SERPINB12: variants seen among roughly 807,000 people sequenced by gnomAD.
SERPINB12 encodes serpin family B member 12.
SERPINB12 carries 57 observed loss-of-function variants against 41.1 expected under a neutral mutation model. The observed-to-expected ratio is 1.39, with a 90% confidence interval of 1.12 to 1.73. The LOEUF (loss-of-function observed/expected upper bound fraction) is 1.73. Among genes scored for constraint, SERPINB12 ranks in the 40% most tolerant of loss-of-function variants. SERPINB12 has a pLI of 0.00. For synonymous variants in SERPINB12, 180 were observed against 181.3 expected, an observed-to-expected ratio of 0.99 and a Z score of 0.06; for missense variants, 536 against 501.9, an observed-to-expected ratio of 1.07 and a Z score of -0.65.
At chr18:63,542,720 G>A (rs1375968501) in intron 1 of SERPINB12, among the ~76,000 whole-genome samples, 1 of 152,100 alleles carries the variant, frequency 6.6e-6, no homozygotes, top group African/African-American at 2.4e-5. Context: ...GGGGTTTGGT[G>A]TACAGATTAT....
intron 1 of SERPINB12, among the ~76,000 whole-genome samples, chr18:63,549,446 A>T (rs1910468180): frequency 6.6e-6 from 1 of 152,146 alleles, no homozygotes. Context: ...CTTCTGACTA[A>T]GAACTGCTTA....
At chr18:63,525,088 G>A in the SERPINB12 span, among the ~76,000 whole-genome samples, 60,205 of 151,930 alleles carry the variant, frequency 0.4, 14,519 homozygotes, top group Non-Finnish European at 0.55. Context: ...TTTAACCTTC[G>A]TTACCAAAAA....
rs1410739148 is a variant in SERPINB12, at chr18:63,567,165, C to T, written c.*154C>T. ...GTGCTTATCTTGATCTTTCTGTCAC[C>T]CTGTAGCTTATTTTCATCTGAGTCT... On this transcript the variant is annotated 3_prime_UTR_variant, in exon 8 of 8. Coordinates refer to ENST00000382768, the MANE Select transcript of SERPINB12 (RefSeq NM_001307928.2). Among the ~76,000 whole-genome samples the T allele has an allele frequency of 1.3e-5, 2 of 152,146 alleles. No individual in the cohort carries two copies. The highest frequency in any genetic ancestry group is 2.9e-5 in the Non-Finnish European group (2 of 68,022).
chr18:63,565,819 T>C (rs1911082108), intron 7 of SERPINB12, among the ~76,000 whole-genome samples: 2 of 152,188 alleles, frequency 1.3e-5, no homozygotes, highest in South Asian at 4.1e-4. Flanking sequence ...GGGATTGGAG[T>C]TTCTTCTTTA....
chr18:63,530,878 C>T, the SERPINB12 span, among the ~76,000 whole-genome samples: 1 of 152,304 alleles, frequency 6.6e-6, no homozygotes, highest in African/African-American at 2.4e-5. Context: ...CGACTTTGAA[C>T]CATTCAGAAA....
In SERPINB12 at chr18:63,559,607, G is replaced by A. The variant is rs568156413; in HGVS notation, c.333G>A (p.Leu111=). The A allele has an allele frequency of 9.9e-6, 16 of 1,614,128 alleles. No individual in the cohort carries two copies. In the South Asian group the frequency reaches 1.5e-4, roughly 16 times the overall value. The change falls in exon 4 of 8, where the codon CTG becomes CTA. Residue 111 remains leucine (L), a synonymous_variant. Transcript: ENST00000382768. Reference sequence around the variant, plus strand: ...GGTCCTTAAACAATGAGAGCGGACTGGTCAGCTGCTACTTTGGGCAGCTTC... The same window carrying A: ...GGTCCTTAAACAATGAGAGCGGACTAGTCAGCTGCTACTTTGGGCAGCTTC... ...QAGSLNNESG[L]VSCYFGQLLS...
At chr18:63,547,301 T>G (rs530228875) in intron 1 of SERPINB12, among the ~76,000 whole-genome samples, 1 of 152,306 alleles carries the variant, frequency 6.6e-6, no homozygotes, top group Non-Finnish European at 1.5e-5. Context: ...GAATTATTTC[T>G]GAAACATAAG....
At chr18:63,547,500 T>C (rs1328193195) in intron 1 of SERPINB12, among the ~76,000 whole-genome samples, 1 of 152,192 alleles carries the variant, frequency 6.6e-6, no homozygotes, top group Admixed American at 6.5e-5. Flanking sequence ...CATCTATTTG[T>C]GTAAAGTTTG....
At chr18:63,558,527 C>T (rs530630022) in intron 3 of SERPINB12, 41 bp downstream of exon 3, 68 of 1,571,618 alleles carry the variant, frequency 4.3e-5, no homozygotes, top group Non-Finnish European at 5.8e-5. Context: ...TTCTTTTTTA[C>T]AAACTGCTTA....
intron 7 of SERPINB12, 32 bp downstream of exon 7, chr18:63,565,644 A>C: frequency 6.3e-7 from 1 of 1,577,334 alleles, no homozygotes; most frequent in Non-Finnish European, 8.6e-7. Flanking sequence ...TCTACAAAAT[A>C]TTTAATGATA....
intron 5 of SERPINB12, among the ~76,000 whole-genome samples, chr18:63,561,791 A>G (rs1171422421): frequency 6.6e-6 from 1 of 152,198 alleles, no homozygotes; most frequent in Non-Finnish European, 1.5e-5. Context: ...CAGGAACAGA[A>G]AGGCAAACAT....
At position 63,564,098 on chromosome 18, in the gene SERPINB12, A is replaced by G. The variant is rs766166408; in HGVS notation, c.683A>G (p.Asp228Gly). ...TACTTTGACCATGAAAACACGGTGG[A>G]TGCACCTTTCTGTCTAAATGCGGTA... is the stretch of plus-strand genomic sequence containing the variant. ...ETYFDHENTV[D>G]APFCLNANEN... is the part of the protein sequence containing the mutation. Residue 228 changes from aspartate to glycine, a missense_variant, in exon 6 of 8, where the codon GAT (aspartate) becomes GGT (glycine). By Grantham distance (94) the Asp-to-Gly change is moderately conservative. Coordinates refer to ENST00000382768, the MANE Select transcript of SERPINB12 (RefSeq NM_001307928.2). 3 of 1,613,644 alleles carry G rather than the reference A, an allele frequency of 1.9e-6. No homozygotes were observed. The highest frequency in any genetic ancestry group is 1.7e-6 in the Non-Finnish European group (2 of 1,179,908).
chr18:63,562,132 C>T (rs189859546), intron 5 of SERPINB12, among the ~76,000 whole-genome samples: 14 of 152,034 alleles, frequency 9.2e-5, no homozygotes, highest in East Asian at 5.8e-4. Flanking sequence ...TGGCTCTGGG[C>T]GGGAAAGGAG....
chr18:63,530,449 C>T, the SERPINB12 span, among the ~76,000 whole-genome samples: 2 of 152,152 alleles, frequency 1.3e-5, no homozygotes, highest in Non-Finnish European at 2.9e-5. Flanking sequence ...ACTTCCATAT[C>T]TCAGCTTTTG....
At chr18:63,520,667 C>T in the SERPINB12 span, among the ~76,000 whole-genome samples, 1,891 of 152,184 alleles carry the variant, frequency 0.012, 52 homozygotes, top group African/African-American at 0.042. Context: ...GTAGAAAAAC[C>T]AGACCACAGA....
rs751900204 is a variant in SERPINB12 at position 63,566,935 on chromosome 18, A to G, written c.1202A>G (p.Asn401Ser). 2 of 1,613,876 alleles carry G rather than the reference A, an allele frequency of 1.2e-6. No individual in the cohort carries two copies. The highest frequency in any genetic ancestry group is 1.1e-5 in the South Asian group (1 of 91,010). Reference protein sequence around the residue: ...SLRSWVEFNANHPFLFFIRHN... With the variant: ...SLRSWVEFNASHPFLFFIRHN... ...CGATCTTGGGTGGAGTTTAATGCCA[A>G]CCACCCTTTTCTCTTTTTCATTAGA... The change falls in exon 8 of 8, where the codon AAC (asparagine) becomes AGC (serine). Residue 401 changes from asparagine to serine, a missense_variant. Physicochemically the swap from Asn to Ser is conservative, Grantham distance 46. Transcript: ENST00000382768.
chr18:63,550,781 A>G (rs1359320897), intron 1 of SERPINB12, among the ~76,000 whole-genome samples: 1 of 152,170 alleles, frequency 6.6e-6, no homozygotes, highest in South Asian at 2.1e-4. Flanking sequence ...TATTTACACC[A>G]TAGAAATCAG....
rs184882895 is a variant in SERPINB12 at position 63,566,623 on chromosome 18, C to T, written c.890C>T (p.Thr297Ile). Residue 297 changes from threonine to isoleucine, a missense_variant, in exon 8 of 8, where the codon ACC becomes ATC. Coordinates refer to ENST00000382768, the MANE Select transcript of SERPINB12 (RefSeq NM_001307928.2). ...KGLEELERKI[T>I]YEKMVAWSSS... The stretch of plus-strand genomic sequence containing the variant: ...CTCTTGTAGCTTGAAAGGAAAATCA[C>T]CTATGAAAAAATGGTGGCCTGGAGC... 18 of 1,607,294 alleles carry T rather than the reference C, an allele frequency of 1.1e-5. No individual in the cohort carries two copies. The East Asian group carries it at 2.5e-4, about 22-fold the overall frequency.
At chr18:63,555,500 C>T (rs1460865418) in intron 1 of SERPINB12, among the ~76,000 whole-genome samples, 1 of 152,130 alleles carries the variant, frequency 6.6e-6, no homozygotes, top group East Asian at 1.9e-4. Flanking sequence ...ATTATGTCCC[C>T]TAAAAATATA....
Sources: gnomAD v4.1 joint callset for allele counts (sites outside exome capture counted in the v4.1 genomes callset) on GRCh38, gnomAD v4.1.1 for gene constraint, MANE v1.5 for transcripts, NCBI Gene and HGNC (gene_info 2026-07-23, HGNC 2026-07-21) for gene names.